HYDIN: variants seen among roughly 807,000 people sequenced by gnomAD.
HYDIN encodes HYDIN axonemal central pair apparatus protein.
HYDIN carries 132 observed loss-of-function variants against 403.9 expected under a neutral mutation model. The observed-to-expected ratio is 0.33, with a 90% confidence interval of 0.28 to 0.38. The LOEUF (loss-of-function observed/expected upper bound fraction) is 0.38. Among genes scored for constraint, HYDIN ranks in the 10% least tolerant of loss-of-function variants. The pLI is 1.00. For missense variants in HYDIN, 2,827 were observed against 5,009.5 expected (o/e 0.56, Z 13.15); for synonymous variants, 1,202 against 1,891.7 (o/e 0.64, Z 9.46).
chr16:70,964,436 C>A (rs1230196581), intron 37 of HYDIN, among the ~76,000 whole-genome samples: 3 of 151,776 alleles, frequency 2.0e-5, no homozygotes, highest in Non-Finnish European at 4.4e-5. Flanking sequence ...TCTGTACGTC[C>A]AAAGCCCTCA....
chr16:70,926,470 G>A (rs1176289764), intron 45 of HYDIN, among the ~76,000 whole-genome samples: 1 of 151,938 alleles, frequency 6.6e-6, no homozygotes, highest in Admixed American at 6.6e-5. Context: ...GTGGGGTGGG[G>A]GGAGAGGGGA....
At chr16:70,939,194 G>C (rs937885528) in intron 43 of HYDIN, among the ~76,000 whole-genome samples, 2 of 152,208 alleles carry the variant, frequency 1.3e-5, no homozygotes, top group Admixed American at 1.3e-4. Flanking sequence ...AGGAGCCAAG[G>C]AGTGCAGAAG....
At chr16:71,111,642 A>ACAGGT (rs2083836861) in intron 10 of HYDIN, among the ~76,000 whole-genome samples, 1 of 151,960 alleles carries the variant, frequency 6.6e-6, no homozygotes, top group South Asian at 2.1e-4. Context: ...GGTGCTGGCC[A>ACAGGT]CAGGTCTGCT....
At chr16:70,910,525 A>G (rs192677197) in intron 47 of HYDIN, among the ~76,000 whole-genome samples, 1 of 152,032 alleles carries the variant, frequency 6.6e-6, no homozygotes, top group Non-Finnish European at 1.5e-5. Flanking sequence ...GCAATTGTGA[A>G]TTGTGCTGCT....
chr16:71,156,444 A>G (rs973000550), intron 6 of HYDIN, among the ~76,000 whole-genome samples: 55 of 152,260 alleles, frequency 3.6e-4, no homozygotes, highest in African/African-American at 1.3e-3. Context: ...GAAAATATCA[A>G]GTATCAGAAA....
intron 78 of HYDIN, among the ~76,000 whole-genome samples, chr16:70,834,405 T>C (rs1292956711): frequency 6.6e-6 from 1 of 152,002 alleles, no homozygotes; most frequent in Non-Finnish European, 1.5e-5. Context: ...CATTTCCCTT[T>C]CCTGACCCTT....
chr16:70,980,862 A>G (rs923418398), intron 29 of HYDIN, among the ~76,000 whole-genome samples: 8 of 152,214 alleles, frequency 5.3e-5, no homozygotes, highest in African/African-American at 1.7e-4. Context: ...TTCTGCTACA[A>G]AAGGATAGTC....
intron 10 of HYDIN, among the ~76,000 whole-genome samples, chr16:71,115,399 A>G (rs1433466746): frequency 6.6e-6 from 1 of 152,150 alleles, no homozygotes; most frequent in East Asian, 1.9e-4. Flanking sequence ...TCTTTCCTTT[A>G]TCAATTACCC....
chr16:70,984,487 C>G (rs1368764402), intron 28 of HYDIN, among the ~76,000 whole-genome samples: 10 of 144,356 alleles, frequency 6.9e-5, no homozygotes, highest in Non-Finnish European at 1.1e-4. Context: ...AGATGTATTT[C>G]TAAAGCCATA....
intron 57 of HYDIN, among the ~76,000 whole-genome samples, chr16:70,891,296 C>T (rs2041452863): frequency 6.6e-6 from 1 of 152,162 alleles, no homozygotes; most frequent in Admixed American, 6.5e-5. Context: ...TCAAGCGATT[C>T]TCCTGCCTCA....
intron 28 of HYDIN, chr16:70,984,956 T>C (rs1281786271): frequency 2.1e-6 from 1 of 470,290 alleles, no homozygotes; most frequent in Non-Finnish European, 3.8e-6. Flanking sequence ...ATCTGTCTTG[T>C]TGATTGCTGT....
chr16:70,948,570 C>T (rs2077956871), intron 41 of HYDIN, among the ~76,000 whole-genome samples: 1 of 151,678 alleles, frequency 6.6e-6, no homozygotes, highest in South Asian at 2.1e-4. Flanking sequence ...TGACAAAGGG[C>T]TAATATTCAG....
At chr16:71,071,410 T>TTCTG (rs2082465024) in intron 13 of HYDIN, among the ~76,000 whole-genome samples, 1 of 151,690 alleles carries the variant, frequency 6.6e-6, no homozygotes, top group African/African-American at 2.4e-5. Context: ...CCTAATACTA[T>TTCTG]TCTATCTACA....
At chr16:70,931,208 C>CTTTT (rs2077313550) in intron 45 of HYDIN, among the ~76,000 whole-genome samples, 54 of 78,212 alleles carry the variant, frequency 6.9e-4, no homozygotes, top group African/African-American at 1.4e-3. Flanking sequence ...TCTCTTTCTT[C>CTTTT]TGTTTTTTTT....
intron 9 of HYDIN, among the ~76,000 whole-genome samples, chr16:71,126,396 G>A (rs953724778): frequency 1.2e-4 from 19 of 152,362 alleles, no homozygotes; most frequent in Admixed American, 3.3e-4. Flanking sequence ...CAATGGGTTA[G>A]ATCAAGATGA....
intron 8 of HYDIN, 133 bp from the exon 9 acceptor site, chr16:71,129,956 C>G: frequency 1.2e-6 from 1 of 841,344 alleles, no homozygotes; most frequent in Non-Finnish European, 1.8e-6. Flanking sequence ...TGCCCTGAGT[C>G]TGTAACCTGC....
intron 1 of HYDIN, 104 bp from the exon 2 acceptor site, chr16:71,187,022 C>G: frequency 1.5e-6 from 1 of 672,714 alleles, no homozygotes; most frequent in Admixed American, 2.9e-5. Flanking sequence ...TTAGAAAATA[C>G]TGATCTTCCG....
chr16:70,831,633 G>A (rs2143507117), intron 80 of HYDIN, among the ~76,000 whole-genome samples: 1 of 140,752 alleles, frequency 7.1e-6, no homozygotes, highest in East Asian at 2.0e-4. Context: ...TGAAGGAAGT[G>A]TTTGCAGGAG....
chr16:71,011,711 C>T (rs6499379), intron 23 of HYDIN, among the ~76,000 whole-genome samples: 4 of 150,780 alleles, frequency 2.7e-5, no homozygotes, highest in East Asian at 2.0e-4. Flanking sequence ...GGTGACAGAG[C>T]GAGACTTTGT....
Sources: gnomAD v4.1 joint callset for allele counts (sites outside exome capture counted in the v4.1 genomes callset) on GRCh38, gnomAD v4.1.1 for gene constraint, MANE v1.5 for transcripts, NCBI Gene and HGNC (gene_info 2026-07-23, HGNC 2026-07-21) for gene names.